The following TOM1L2 variants were observed in gnomAD, a reference collection of about 807,000 sequenced individuals.
The protein encoded by TOM1L2 is target of myb1 like 2 membrane trafficking protein.
TOM1L2 carries 31 observed loss-of-function variants against 67.9 expected under a neutral mutation model. The observed-to-expected ratio is 0.46, with a 90% CI of 0.34 to 0.62. The LOEUF (loss-of-function observed/expected upper bound fraction) is 0.62. Ranked by LOEUF, TOM1L2 falls within the 20% of genes least tolerant of loss-of-function variation. TOM1L2 has a pLI of 0.01. For missense variants in TOM1L2, 606 were observed against 663.5 expected (o/e 0.91, Z 0.95); for synonymous variants, 256 against 254.0 (o/e 1.01, Z -0.07).
At chr17:17,852,133 G>C (rs1017977583) in intron 12 of TOM1L2, among the ~76,000 whole-genome samples, 1 of 152,134 alleles carries the variant, frequency 6.6e-6, no homozygotes, top group African/African-American at 2.4e-5. Context: ...TCTATAGCTG[G>C]CTTCACCCAA....
At chr17:17,947,924 T>C (rs977393039) in intron 1 of TOM1L2, among the ~76,000 whole-genome samples, 1 of 152,192 alleles carries the variant, frequency 6.6e-6, no homozygotes, top group Non-Finnish European at 1.5e-5. Context: ...TATATACTCT[T>C]TCCAGAATAT....
intron 1 of TOM1L2, among the ~76,000 whole-genome samples, chr17:17,927,996 G>A (rs2040166563): frequency 6.6e-6 from 1 of 152,206 alleles, no homozygotes; most frequent in South Asian, 2.1e-4. Context: ...ATTATATGAT[G>A]TCTGGGATTT....
At chr17:17,861,784 G>C in intron 11 of TOM1L2, 1 of 484,344 alleles carries the variant, frequency 2.1e-6, no homozygotes, top group Non-Finnish European at 3.7e-6. Context: ...TAATCTCTGC[G>C]ATCTCAGATT....
At chr17:17,915,531 A>T (rs2039590397) in intron 1 of TOM1L2, among the ~76,000 whole-genome samples, 1 of 151,914 alleles carries the variant, frequency 6.6e-6, no homozygotes, top group Non-Finnish European at 1.5e-5. Flanking sequence ...TTTAAGAGAC[A>T]GGATCTCACT....
Position 17,866,272 on chromosome 17 carries a change from C to A in TOM1L2, c.1084+24G>T, listed in dbSNP as rs200296185. On this transcript the variant is annotated intron_variant, in intron 10 of 14. Transcript: ENST00000379504. Reference sequence around the variant, plus strand: ...GCCAGTGGTAGGAAGTAGGTAGGCCCTTTTGTCCCTGTGAGACACTCACCT... The same window carrying A: ...GCCAGTGGTAGGAAGTAGGTAGGCCATTTTGTCCCTGTGAGACACTCACCT... The A allele has an allele frequency of 7.9e-4, 1,260 of 1,604,450 alleles. 1 individual carries two copies. Among genetic ancestry groups the A allele is most frequent in the Non-Finnish European group, 1.0e-3 (1,215 of 1,175,696 alleles).
intron 12 of TOM1L2, among the ~76,000 whole-genome samples, chr17:17,855,061 G>T (rs1315175932): frequency 1.3e-5 from 2 of 152,222 alleles, no homozygotes; most frequent in Non-Finnish European, 2.9e-5. Flanking sequence ...TGAGGCAGTG[G>T]TTAGACCAGC....
chr17:17,935,329 G>A (rs1250781030), intron 1 of TOM1L2, among the ~76,000 whole-genome samples: 3 of 152,170 alleles, frequency 2.0e-5, no homozygotes, highest in Non-Finnish European at 4.4e-5. Flanking sequence ...ATAATCTGTT[G>A]GCAAATAACA....
chr17:17,887,799 A>G (rs2038074735), intron 4 of TOM1L2, among the ~76,000 whole-genome samples: 1 of 152,150 alleles, frequency 6.6e-6, no homozygotes. Context: ...GAAGGCAGAC[A>G]CCGAGTCTCT....
intron 1 of TOM1L2, among the ~76,000 whole-genome samples, chr17:17,921,049 G>A (rs1441382277): frequency 6.6e-6 from 1 of 152,154 alleles, no homozygotes; most frequent in Non-Finnish European, 1.5e-5. Flanking sequence ...TTCCAATAAT[G>A]CCCTTTTTCT....
intron 12 of TOM1L2, among the ~76,000 whole-genome samples, chr17:17,856,486 G>A (rs989574188): frequency 1.3e-5 from 2 of 152,228 alleles, no homozygotes; most frequent in Non-Finnish European, 2.9e-5. Context: ...ACGGCTCTGG[G>A]TGATCCTGCA....
chr17:17,966,507 A>C (rs2041875853), intron 1 of TOM1L2, among the ~76,000 whole-genome samples: 1 of 152,234 alleles, frequency 6.6e-6, no homozygotes, highest in South Asian at 2.1e-4. Flanking sequence ...GAAATGTAGA[A>C]TGCTACTTCC....
At chr17:17,848,881 T>C (rs1421767048) in intron 13 of TOM1L2, 22 bp from the exon 14 acceptor site, 2 of 1,613,924 alleles carry the variant, frequency 1.2e-6, no homozygotes, top group East Asian at 4.5e-5. Context: ...GCAGAGAAAA[T>C]GAAATTAGGG....
intron 1 of TOM1L2, among the ~76,000 whole-genome samples, chr17:17,910,514 C>T (rs1460661988): frequency 6.6e-6 from 1 of 152,142 alleles, no homozygotes; most frequent in Non-Finnish European, 1.5e-5. Flanking sequence ...CCTCATGCCC[C>T]AGAGGTTCTA....
At chr17:17,969,202 G>A (rs538870576) in intron 1 of TOM1L2, among the ~76,000 whole-genome samples, 3 of 151,742 alleles carry the variant, frequency 2.0e-5, no homozygotes, top group South Asian at 2.1e-4. Context: ...GATTACAGGC[G>A]CCCACCACCA....
At chr17:17,892,696 T>G (rs1207568627) in intron 4 of TOM1L2, among the ~76,000 whole-genome samples, 1 of 152,064 alleles carries the variant, frequency 6.6e-6, no homozygotes, top group Non-Finnish European at 1.5e-5. Context: ...CACAAATTAT[T>G]TGATCCTCCT....
At chr17:17,851,090 C>T in intron 12 of TOM1L2, 138 bp from the exon 13 acceptor site, 1 of 878,020 alleles carries the variant, frequency 1.1e-6, no homozygotes, top group Non-Finnish European at 1.8e-6. Context: ...ACACAATTGG[C>T]ACAGCACACA....
In TOM1L2 at chr17:17,848,869, G is replaced by C; in HGVS notation, c.1339-10C>G. 1 of 1,614,148 alleles carries C rather than the reference G, an allele frequency of 6.2e-7. No homozygotes were observed. The highest frequency in any genetic ancestry group is 8.5e-7 in the Non-Finnish European group (1 of 1,180,020). ...CCAGATCATCACCCTTCTGTGGGAGGAGCAGAGAAAATGAAATTAGGGCAC... is the reference window on the plus strand; with the variant it reads ...CCAGATCATCACCCTTCTGTGGGAGCAGCAGAGAAAATGAAATTAGGGCAC... On this transcript the variant is annotated splice_polypyrimidine_tract_variant and intron_variant, in intron 13 of 14. Coordinates refer to ENST00000379504, the MANE Select transcript of TOM1L2 (RefSeq NM_001082968.2).
intron 12 of TOM1L2, among the ~76,000 whole-genome samples, chr17:17,856,445 G>A (rs571783895): frequency 1.3e-5 from 2 of 152,370 alleles, no homozygotes; most frequent in South Asian, 4.1e-4. Context: ...ACCAGCCCAA[G>A]CTGGGTGGCA....
chr17:17,858,226 A>ATTTTTTCTTT (rs1555581608), intron 12 of TOM1L2: 5,381 of 157,308 alleles, frequency 0.034, 295 homozygotes, highest in African/African-American at 0.11. Flanking sequence ...TTTTTCCTAC[A>ATTTTTTCTTT]TTTTTTTTTT....
Sources: gnomAD v4.1 joint callset for allele counts (sites outside exome capture counted in the v4.1 genomes callset) on GRCh38, gnomAD v4.1.1 for gene constraint, MANE v1.5 for transcripts, NCBI Gene and HGNC (gene_info 2026-07-23, HGNC 2026-07-21) for gene names.